The following RBMS2 variants were observed in gnomAD, a reference collection of about 807,000 sequenced individuals.
The protein encoded by RBMS2 is RNA-binding motif, single-stranded-interacting protein 2.
A neutral mutation model predicts 58.4 loss-of-function variants in RBMS2; 38 were observed. The ratio of observed to expected loss-of-function variants is 0.65; its 90% CI spans 0.50 to 0.85. The LOEUF (loss-of-function observed/expected upper bound fraction) is 0.85, where lower values mean the gene tolerates loss of function less well. RBMS2 is among the 40% of genes least tolerant of loss of function. RBMS2 has a pLI of 0.00. For synonymous variants in RBMS2, 151 were observed against 180.7 expected (o/e 0.84, Z 1.32); for missense variants, 367 against 503.7 (o/e 0.73, Z 2.60).
At chr12:56,545,989 T>A (rs1259519476) in intron 1 of RBMS2, among the ~76,000 whole-genome samples, 2 of 150,368 alleles carry the variant, frequency 1.3e-5, no homozygotes, top group Non-Finnish European at 3.0e-5. Flanking sequence ...CAGGCTGGAG[T>A]GCAGTGGCAC....
intron 5 of RBMS2, among the ~76,000 whole-genome samples, chr12:56,579,710 T>A (rs1241479791): frequency 6.6e-6 from 1 of 152,200 alleles, no homozygotes; most frequent in Non-Finnish European, 1.5e-5. Flanking sequence ...TGAGTCTTAC[T>A]TTAAATATGG....
At position 56,563,985 on chromosome 12, in the gene RBMS2, T is replaced by C. The variant is rs547302753; in HGVS notation, c.233+1402T>C. Among the ~76,000 whole-genome samples, 3 of 152,164 alleles carry C rather than the reference T, an allele frequency of 2.0e-5. No homozygotes were observed. In the South Asian group the frequency reaches 6.2e-4, roughly 32 times the overall value. Reference sequence around the variant, plus strand: ...TCCTTGATTTCTAAATTTTGTTTCTTGTACTAAATATAATGTGCTACAAAA... The same window carrying C: ...TCCTTGATTTCTAAATTTTGTTTCTCGTACTAAATATAATGTGCTACAAAA... On this transcript the variant is annotated intron_variant, in intron 2 of 13. Transcript: ENST00000262031.
chr12:56,588,626 AAAAC>A, intron 12 of RBMS2: 1 of 587,068 alleles, frequency 1.7e-6, no homozygotes, highest in South Asian at 2.1e-5. Flanking sequence ...ATTTAAAAAA[AAAAC>A]AACAGCAGAT....
At position 56,522,109 on chromosome 12, in the gene RBMS2, T is replaced by G. The variant is rs1359967429; in HGVS notation, c.66+20T>G. ...AAGAAGGTAGGGAAAAGCGCTTTTTTGGTATCTAGCTACTTCTTTTTCTGG... is the reference window on the plus strand; with the variant it reads ...AAGAAGGTAGGGAAAAGCGCTTTTTGGGTATCTAGCTACTTCTTTTTCTGG... On this transcript the variant is annotated intron_variant, in intron 1 of 13. Transcript: ENST00000262031. 6.5e-7 allele frequency: 1 copy of G among 1,548,120 alleles called. No individual in the cohort carries two copies. The highest frequency in any genetic ancestry group is 1.1e-5 in the South Asian group (1 of 89,230).
At chr12:56,587,791 A>G in intron 11 of RBMS2, 127 bp downstream of exon 11, 1 of 1,337,198 alleles carries the variant, frequency 7.5e-7, no homozygotes, top group East Asian at 2.6e-5. Context: ...GCACACTCAG[A>G]ACAGGACATA....
intron 1 of RBMS2, among the ~76,000 whole-genome samples, chr12:56,553,182 G>T (rs768268380): frequency 2.0e-4 from 30 of 151,884 alleles, no homozygotes; most frequent in African/African-American, 6.8e-4. Context: ...CTCCCAAAGT[G>T]CTGGGATTAC....
chr12:56,578,160 G>A (rs987200402), intron 5 of RBMS2, among the ~76,000 whole-genome samples: 2 of 149,674 alleles, frequency 1.3e-5, no homozygotes, highest in African/African-American at 2.5e-5. Flanking sequence ...ATGGCGTCTC[G>A]CTCTGTTGCC....
intron 1 of RBMS2, among the ~76,000 whole-genome samples, chr12:56,562,060 G>A (rs981403869): frequency 2.0e-5 from 3 of 151,918 alleles, no homozygotes; most frequent in Admixed American, 6.6e-5. Flanking sequence ...CGCCTGCCTC[G>A]GCCTCCCAAA....
At chr12:56,550,251 C>G (rs1878008352) in intron 1 of RBMS2, among the ~76,000 whole-genome samples, 1 of 151,932 alleles carries the variant, frequency 6.6e-6, no homozygotes, top group South Asian at 2.1e-4. Context: ...TAGACTAGAC[C>G]AGGTGCAGTG....
intron 1 of RBMS2, among the ~76,000 whole-genome samples, chr12:56,525,747 C>T (rs751642546): frequency 4.6e-5 from 7 of 151,712 alleles, no homozygotes; most frequent in South Asian, 4.2e-4. Flanking sequence ...CTGCAACCTC[C>T]GACTCCTGGG....
chr12:56,525,626 C>T (rs561637563), intron 1 of RBMS2, among the ~76,000 whole-genome samples: 4 of 151,804 alleles, frequency 2.6e-5, no homozygotes, highest in African/African-American at 9.7e-5. Flanking sequence ...TGGGCTTAAG[C>T]GAGCCTCCCA....
chr12:56,561,504 T>G (rs1165783524), intron 1 of RBMS2, among the ~76,000 whole-genome samples: 1 of 152,014 alleles, frequency 6.6e-6, no homozygotes, highest in Non-Finnish European at 1.5e-5. Context: ...TGGTTTTGAG[T>G]TGCATTTCTT....
chr12:56,543,600 G>A (rs891378834), intron 1 of RBMS2, among the ~76,000 whole-genome samples: 1 of 144,274 alleles, frequency 6.9e-6, no homozygotes, highest in Admixed American at 7.2e-5. Context: ...GGATCCACCC[G>A]CCTCGGCCTC....
chr12:56,545,250 C>A (rs1876945475), intron 1 of RBMS2, among the ~76,000 whole-genome samples: 1 of 152,034 alleles, frequency 6.6e-6, no homozygotes, highest in Admixed American at 6.6e-5. Flanking sequence ...TATTTTGTTC[C>A]TTTTTATGGC....
At chr12:56,525,593 G>C (rs898118380) in intron 1 of RBMS2, among the ~76,000 whole-genome samples, 1 of 151,776 alleles carries the variant, frequency 6.6e-6, no homozygotes, top group Non-Finnish European at 1.5e-5. Flanking sequence ...CCATGATCTC[G>C]GCTCACTACA....
At chr12:56,535,656 A>G (rs537270364) in intron 1 of RBMS2, among the ~76,000 whole-genome samples, 2 of 152,196 alleles carry the variant, frequency 1.3e-5, no homozygotes, top group East Asian at 3.9e-4. Flanking sequence ...TTAGACATTT[A>G]TTAGACATTT....
At chr12:56,548,853 G>A (rs1025772444) in intron 1 of RBMS2, among the ~76,000 whole-genome samples, 1 of 152,180 alleles carries the variant, frequency 6.6e-6, no homozygotes, top group African/African-American at 2.4e-5. Context: ...GTGGGATTGA[G>A]TTTTCTACTG....
At chr12:56,581,083 C>T in intron 5 of RBMS2, 101 bp from the exon 6 acceptor site, 1 of 940,320 alleles carries the variant, frequency 1.1e-6, no homozygotes, top group Non-Finnish European at 1.7e-6. Context: ...ACATTTGGAG[C>T]AGTTGTGGGG....
intron 1 of RBMS2, among the ~76,000 whole-genome samples, chr12:56,548,149 CA>C (rs1270118945): frequency 1.3e-5 from 2 of 151,888 alleles, no homozygotes; most frequent in African/African-American, 4.8e-5. Flanking sequence ...AGTTGGTATT[CA>C]AATATTTGCT....
Sources: gnomAD v4.1 joint callset for allele counts (sites outside exome capture counted in the v4.1 genomes callset) on GRCh38, gnomAD v4.1.1 for gene constraint, MANE v1.5 for transcripts, NCBI Gene and HGNC (gene_info 2026-07-23, HGNC 2026-07-21) for gene names.